The following SAMSN1 variants were observed in gnomAD, a reference collection of about 807,000 sequenced individuals.
SAMSN1 encodes the protein SAM domain-containing protein SAMSN-1.
Under a neutral mutation model 42.0 loss-of-function variants are expected in SAMSN1, and 31 were observed. The observed-to-expected ratio is 0.74, with a 90% confidence interval of 0.55 to 1.00. SAMSN1 has a LOEUF of 1.00. SAMSN1 is among the 50% of genes least tolerant of loss of function. The probability of loss-of-function intolerance (pLI) is 0.00; values close to 1 mark genes in which losing one functional copy is unlikely to be tolerated. For missense variants in SAMSN1, 464 were observed against 439.4 expected (o/e 1.06, Z -0.50); for synonymous variants, 178 against 151.9 (o/e 1.17, Z -1.26).
chr21:14,568,935 C>T (rs962182920), intron 2 of SAMSN1, among the ~76,000 whole-genome samples: 1 of 151,960 alleles, frequency 6.6e-6, no homozygotes, highest in Admixed American at 6.6e-5. Context: ...AAATGCACTC[C>T]TTCAAAATAA....
intron 2 of SAMSN1, among the ~76,000 whole-genome samples, chr21:14,616,655 G>T (rs1248344119): frequency 6.6e-6 from 1 of 152,100 alleles, no homozygotes; most frequent in Non-Finnish European, 1.5e-5. Context: ...TTCAGATTCT[G>T]TCTTTATTAT....
chr21:14,626,026 G>T (rs181607145), intron 2 of SAMSN1, among the ~76,000 whole-genome samples: 112 of 152,270 alleles, frequency 7.4e-4, no homozygotes, highest in African/African-American at 2.6e-3. Context: ...CAAGCAATGG[G>T]GAGAGGATTC....
chr21:14,516,873 A>T lies in SAMSN1; in HGVS notation c.279+19T>A, dbSNP rs756931795. 6.3e-7 allele frequency: 1 copy of T among 1,586,200 alleles called. No homozygotes were observed. Among genetic ancestry groups the T allele is most frequent in the African/African-American group, 1.4e-5 (1 of 73,330 alleles). On this transcript the variant is annotated intron_variant, in intron 3 of 7. Transcript: ENST00000400566. The stretch of plus-strand genomic sequence containing the variant: ...AAGTTTTAGTAGAAAAATACAAATG[A>T]TTATCAGAGAATATTTACCTTTTCC...
intron 1 of SAMSN1, among the ~76,000 whole-genome samples, 198 bp downstream of exon 1, chr21:14,546,007 T>G (rs576731097): frequency 6.6e-6 from 1 of 152,234 alleles, no homozygotes; most frequent in Non-Finnish European, 1.5e-5. Flanking sequence ...AAGACAAAAT[T>G]ACAGAGACAA....
intron 1 of SAMSN1, among the ~76,000 whole-genome samples, chr21:14,649,154 G>A (rs1039767227): frequency 1.1e-4 from 17 of 151,834 alleles, no homozygotes; most frequent in African/African-American, 3.9e-4. Flanking sequence ...ATCATTGTCA[G>A]TAAAAACTAT....
upstream of SAMSN1, among the ~76,000 whole-genome samples, chr21:14,587,762 TA>T (rs1344479417): frequency 8.5e-4 from 129 of 151,978 alleles, no homozygotes; most frequent in Non-Finnish European, 1.4e-3. Context: ...TTTATTTATT[TA>T]TTTTTTAAAT....
At chr21:14,557,647 CTTAGAT>C (rs1980807719) in intron 2 of SAMSN1, among the ~76,000 whole-genome samples, 1 of 152,208 alleles carries the variant, frequency 6.6e-6, no homozygotes, top group African/African-American at 2.4e-5. Context: ...TCTGCTTTCA[CTTAGAT>C]TTAGCATTTA....
chr21:14,505,848 A>C (rs8127586), intron 5 of SAMSN1, among the ~76,000 whole-genome samples: 44,823 of 152,032 alleles, frequency 0.29, 9,695 homozygotes, highest in African/African-American at 0.62. Context: ...ATATGATAGG[A>C]CATAAAATGA....
rs368999354 is a variant in SAMSN1 at position 14,514,432 on chromosome 21, T to G, written c.280-1859A>C. On this transcript the variant is annotated intron_variant, in intron 3 of 7. Coordinates refer to ENST00000400566, the MANE Select transcript of SAMSN1 (RefSeq NM_022136.5). The stretch of plus-strand genomic sequence containing the variant: ...GTCAGAGATATTTCTGGCTTTCATA[T>G]GGAGAATAAATTTTATGGGGGAAAG... 4.5e-3 allele frequency among the ~76,000 whole-genome samples: 683 copies of G among 152,258 alleles called. 3 individuals carry two copies. Among genetic ancestry groups the G allele is most frequent in the Non-Finnish European group, 7.5e-3 (510 of 68,016 alleles).
intron 3 of SAMSN1, among the ~76,000 whole-genome samples, chr21:14,514,622 G>A (rs1987824184): frequency 6.6e-6 from 1 of 152,134 alleles, no homozygotes; most frequent in Admixed American, 6.6e-5. Context: ...TGTGAAAAGT[G>A]AGAAAAAGAA....
chr21:14,542,234 C>G (rs1568799777), intron 1 of SAMSN1, among the ~76,000 whole-genome samples: 2 of 152,146 alleles, frequency 1.3e-5, no homozygotes, highest in Non-Finnish European at 2.9e-5. Context: ...TATCTACAGT[C>G]CTGTTGCTTA....
chr21:14,588,753 C>T (rs1021096508), intron 7 of SAMSN1, among the ~76,000 whole-genome samples: 5 of 151,778 alleles, frequency 3.3e-5, no homozygotes, highest in African/African-American at 9.7e-5. Context: ...AGAGTTTCGT[C>T]TATTCTATCT....
rs192167696 is a variant in SAMSN1 at position 14,546,027 on chromosome 21, G to A, written c.57+178C>T. 4.6e-5 allele frequency among the ~76,000 whole-genome samples: 7 copies of A among 152,240 alleles called. No individual in the cohort carries two copies. The East Asian group carries it at 1.3e-3, about 29-fold the overall frequency. The stretch of plus-strand genomic sequence containing the variant: ...AAAATTACAGAGACAATAATTGCTA[G>A]GTGTGATTTAAAATCTAACTTTGCA... On this transcript the variant is annotated intron_variant, in intron 1 of 7. Transcript: ENST00000400566.
At chr21:14,498,168 C>G (rs913304362) in intron 7 of SAMSN1, among the ~76,000 whole-genome samples, 1 of 152,190 alleles carries the variant, frequency 6.6e-6, no homozygotes, top group Non-Finnish European at 1.5e-5. Flanking sequence ...ATGCAGGCAT[C>G]CACTTGCATG....
intron 2 of SAMSN1, among the ~76,000 whole-genome samples, chr21:14,624,173 A>G (rs1002443491): frequency 6.6e-6 from 1 of 152,220 alleles, no homozygotes; most frequent in Admixed American, 6.5e-5. Context: ...AAGAGAAAGC[A>G]GGGAAGATCT....
intron 2 of SAMSN1, among the ~76,000 whole-genome samples, chr21:14,553,845 C>T (rs189548161): frequency 3.9e-5 from 6 of 151,954 alleles, no homozygotes; most frequent in Admixed American, 3.3e-4. Flanking sequence ...GGATTTTCTT[C>T]GAATCTTTGG....
At chr21:14,590,712 G>A (rs1029859972) in intron 7 of SAMSN1, among the ~76,000 whole-genome samples, 2 of 152,140 alleles carry the variant, frequency 1.3e-5, no homozygotes, top group South Asian at 4.1e-4. Flanking sequence ...GAATGGGAAG[G>A]TGCTTAGAGA....
chr21:14,494,708 CAA>C lies in SAMSN1; in HGVS notation c.919+3732_919+3733del, dbSNP rs113601795. On this transcript the variant is annotated intron_variant, in intron 7 of 7. Transcript: ENST00000400566. ...GTATCCCAGAACTTAAAGTACAATACAAAAAAAAAAAAAAGTGTAATCCAGTT... is the reference window on the plus strand; with the variant it reads ...GTATCCCAGAACTTAAAGTACAATACAAAAAAAAAAAAGTGTAATCCAGTT... Among the ~76,000 whole-genome samples the C allele has an allele frequency of 1.6e-3, 174 of 107,640 alleles. 1 individual carries two copies. The highest frequency in any genetic ancestry group is 9.6e-4 in the Non-Finnish European group (47 of 49,196). 70.6% of individuals were successfully genotyped at this position (107,640 alleles called of 152,430 possible). A position where few individuals can be genotyped will look rare whatever the true frequency, so the allele number is the denominator to read the frequency against.
At chr21:14,569,524 C>A (rs1323876070) in intron 2 of SAMSN1, among the ~76,000 whole-genome samples, 2 of 151,956 alleles carry the variant, frequency 1.3e-5, no homozygotes, top group East Asian at 3.9e-4. Context: ...GATTTTTTTC[C>A]CAGATTTTTT....
Sources: gnomAD v4.1 joint callset for allele counts (sites outside exome capture counted in the v4.1 genomes callset) on GRCh38, gnomAD v4.1.1 for gene constraint, MANE v1.5 for transcripts, NCBI Gene and HGNC (gene_info 2026-07-23, HGNC 2026-07-21) for gene names.